The following GALK2 variants were observed in gnomAD, a reference collection of about 807,000 sequenced individuals.
GALK2 encodes the protein N-acetylgalactosamine kinase.
In GALK2, 36 loss-of-function variants were observed where a neutral mutation model predicts 52.4. That is an observed-to-expected ratio of 0.69 (90% CI 0.53 to 0.91). The LOEUF (loss-of-function observed/expected upper bound fraction) is 0.91, where lower values mean the gene tolerates loss of function less well. Among genes scored for constraint, GALK2 ranks in the 40% least tolerant of loss-of-function variants. GALK2 has a pLI of 0.00. For missense variants in GALK2, 579 were observed against 559.1 expected (o/e 1.04, Z -0.36); for synonymous variants, 176 against 199.1 (o/e 0.88, Z 0.98).
At chr15:49,319,236 G>A (rs763267778) in intron 8 of GALK2, 6 of 351,098 alleles carry the variant, frequency 1.7e-5, no homozygotes, top group African/African-American at 1.1e-4. Flanking sequence ...TTACGGATGT[G>A]AGCTACCGCG....
At chr15:49,266,562 T>C (rs2092368706) in intron 5 of GALK2, among the ~76,000 whole-genome samples, 2 of 152,196 alleles carry the variant, frequency 1.3e-5, no homozygotes, top group African/African-American at 4.8e-5. Context: ...CTGGTCTCCA[T>C]TTTAGAAAAT....
At chr15:49,262,261 T>G (rs1332635800) in intron 5 of GALK2, among the ~76,000 whole-genome samples, 23 of 152,124 alleles carry the variant, frequency 1.5e-4, no homozygotes, top group East Asian at 1.9e-4. Context: ...TTATTGGTCT[T>G]TTCAGAGATT....
At chr15:49,296,470 G>A (rs953842732) in intron 8 of GALK2, among the ~76,000 whole-genome samples, 11 of 152,116 alleles carry the variant, frequency 7.2e-5, no homozygotes, top group Non-Finnish European at 1.6e-4. Context: ...TCCTTTTTAT[G>A]GCAGCATAGT....
chr15:49,220,411 A>T (rs953261530), intron 3 of GALK2, among the ~76,000 whole-genome samples: 1 of 152,002 alleles, frequency 6.6e-6, no homozygotes, highest in Non-Finnish European at 1.5e-5. Flanking sequence ...TGCAAATGAC[A>T]TGATTTTATT....
chr15:49,214,688 A>G (rs1464340041), intron 2 of GALK2, among the ~76,000 whole-genome samples: 1 of 151,970 alleles, frequency 6.6e-6, no homozygotes, highest in Non-Finnish European at 1.5e-5. Context: ...ATGCTCAGAA[A>G]GCTGTTTCAG....
intron 3 of GALK2, among the ~76,000 whole-genome samples, chr15:49,350,026 A>G (rs997930328): frequency 2.0e-5 from 3 of 152,198 alleles, no homozygotes; most frequent in Non-Finnish European, 4.4e-5. Context: ...TTAAGCCCCT[A>G]AACTTCTAAA....
At chr15:49,367,506 C>G (rs1277008272) in exon 4 of GALK2, 5 of 1,605,470 alleles carry the variant, frequency 3.1e-6, no homozygotes, top group Non-Finnish European at 4.2e-6. Context: ...TTGGAAATAC[C>G]AGCCAGCTCA....
At chr15:49,361,161 T>C (rs1474273555) in intron 3 of GALK2, among the ~76,000 whole-genome samples, 1 of 152,210 alleles carries the variant, frequency 6.6e-6, no homozygotes, top group East Asian at 1.9e-4. Context: ...CATCACTTTT[T>C]ACCCCATAAA....
intron 3 of GALK2, among the ~76,000 whole-genome samples, chr15:49,360,293 T>C (rs1433099174): frequency 1.3e-5 from 2 of 152,100 alleles, no homozygotes; most frequent in East Asian, 1.9e-4. Context: ...CATGTGTTTA[T>C]AGTAACATTG....
chr15:49,302,532 T>A (rs1221040483), intron 8 of GALK2, among the ~76,000 whole-genome samples: 1 of 152,176 alleles, frequency 6.6e-6, no homozygotes, highest in Non-Finnish European at 1.5e-5. Flanking sequence ...AGAAGATTAG[T>A]TTGTTTTTAT....
At chr15:49,357,937 A>G (rs371223679) in intron 3 of GALK2, among the ~76,000 whole-genome samples, 3 of 151,974 alleles carry the variant, frequency 2.0e-5, no homozygotes, top group African/African-American at 4.8e-5. Flanking sequence ...TTCAATATAC[A>G]CAAATCAATA....
At chr15:49,184,944 C>T (rs2086242592) in intron 1 of GALK2, among the ~76,000 whole-genome samples, 1 of 152,070 alleles carries the variant, frequency 6.6e-6, no homozygotes, top group Non-Finnish European at 1.5e-5. Context: ...CTTCTTATTA[C>T]CAGTGAATTT....
chr15:49,305,188 T>C (rs1216066068), intron 8 of GALK2, among the ~76,000 whole-genome samples: 2 of 152,210 alleles, frequency 1.3e-5, no homozygotes, highest in Admixed American at 6.5e-5. Flanking sequence ...GGCGAGTAAC[T>C]GTGGATGGAT....
At chr15:49,265,271 C>T (rs1051625859) in intron 5 of GALK2, among the ~76,000 whole-genome samples, 1 of 152,234 alleles carries the variant, frequency 6.6e-6, no homozygotes, top group African/African-American at 2.4e-5. Context: ...GAAGCCTGGG[C>T]AATGGCGCGC....
intron 5 of GALK2, among the ~76,000 whole-genome samples, chr15:49,264,640 A>T (rs1438674202): frequency 1.3e-5 from 2 of 152,014 alleles, no homozygotes; most frequent in Non-Finnish European, 2.9e-5. Context: ...TTGGAGGAGG[A>T]GAGGCGCTCT....
Position 49,329,805 on chromosome 15 carries a change from G to GT in GALK2, c.*1647dup, listed in dbSNP as rs917202037. The GT allele has an allele frequency of 1.2e-5, 8 of 641,268 alleles. No individual in the cohort carries two copies. The highest frequency in any genetic ancestry group is 2.3e-5 in the African/African-American group (1 of 42,800). The allele number at this position is 641,268 out of a possible 1,614,324, so 39.7% of individuals were successfully genotyped here. ...ATTCTTTAAAGATACCTGGATCAGT[G>GT]TAAAAAAAAAAAAAAAAAGGCACCT... On this transcript the variant is annotated 3_prime_UTR_variant, in exon 10 of 10. Transcript: ENST00000560031.
chr15:49,299,759 CTT>C (rs1349636560), intron 8 of GALK2, among the ~76,000 whole-genome samples: 1 of 113,452 alleles, frequency 8.8e-6, no homozygotes, highest in African/African-American at 3.2e-5. Context: ...TTCTTTCTTT[CTT>C]TCTTTCTTTC....
chr15:49,194,231 C>G (rs1200624655), intron 1 of GALK2: 1 of 152,020 alleles, frequency 6.6e-6, no homozygotes, highest in East Asian at 2.0e-4. Flanking sequence ...GAGGCCGAGG[C>G]AGAAGAATTG....
intron 1 of GALK2, among the ~76,000 whole-genome samples, chr15:49,190,996 T>A (rs1853237739): frequency 1.3e-5 from 2 of 152,192 alleles, no homozygotes. Context: ...AAGTTTTTCT[T>A]TTAACAGTTT....
Sources: gnomAD v4.1 joint callset for allele counts (sites outside exome capture counted in the v4.1 genomes callset) on GRCh38, gnomAD v4.1.1 for gene constraint, MANE v1.5 for transcripts, NCBI Gene and HGNC (gene_info 2026-07-23, HGNC 2026-07-21) for gene names.